The following ANKRD45 variants were observed in gnomAD, a reference collection of about 807,000 sequenced individuals.
The protein encoded by ANKRD45 is ankyrin repeat domain 45.
A neutral mutation model predicts 28.1 loss-of-function variants in ANKRD45; 21 were observed. That is an observed-to-expected ratio of 0.75 (90% CI 0.53 to 1.08). ANKRD45 has a LOEUF of 1.08. Among genes scored for constraint, ANKRD45 ranks in the 50% least tolerant of loss-of-function variants. The pLI, the probability that ANKRD45 is intolerant of heterozygous loss-of-function variation, is 0.00. For synonymous variants in ANKRD45, 86 were observed against 103.9 expected, an observed-to-expected ratio of 0.83 and a Z score of 1.05; for missense variants, 261 against 308.7, an observed-to-expected ratio of 0.85 and a Z score of 1.16.
At chr1:173,648,887 A>G (rs1669052661) in intron 2 of ANKRD45, among the ~76,000 whole-genome samples, 1 of 152,200 alleles carries the variant, frequency 6.6e-6, no homozygotes, top group Admixed American at 6.5e-5. Context: ...AAGAAACCAT[A>G]GCACAGAAAG....
chr1:173,684,691 G>A, the ANKRD45 span, among the ~76,000 whole-genome samples: 1 of 152,198 alleles, frequency 6.6e-6, no homozygotes, highest in Admixed American at 6.5e-5. Flanking sequence ...TAAGGGTGAT[G>A]TTGTTTGGGA....
At position 173,609,943 on chromosome 1, in the gene ANKRD45, C is replaced by T. The variant is rs1185536989; in HGVS notation, c.*202G>A. ...TTCCTGAAGGAGCACGTGAAACTCA[C>T]ATGGGGCTGTGCTTGGAGGAGCAGA... On this transcript the variant is annotated 3_prime_UTR_variant, in exon 6 of 6. Coordinates refer to ENST00000333279, the MANE Select transcript of ANKRD45 (RefSeq NM_198493.3). The T allele has an allele frequency of 8.7e-6, 5 of 571,452 alleles. No homozygotes were observed. Among genetic ancestry groups the T allele is most frequent in the Non-Finnish European group, 1.5e-5 (5 of 323,240 alleles). 35.4% of individuals were successfully genotyped at this position (571,452 alleles called of 1,614,324 possible). A position where few individuals can be genotyped will look rare whatever the true frequency, so the allele number is the denominator to read the frequency against.
intron 3 of ANKRD45, chr1:173,637,142 C>T: frequency 8.1e-6 from 7 of 865,372 alleles, no homozygotes; most frequent in Non-Finnish European, 8.5e-6. Context: ...AAACTTTTTG[C>T]CACAATCTTT....
chr1:173,712,640 C>T, the ANKRD45 span, among the ~76,000 whole-genome samples: 1 of 152,146 alleles, frequency 6.6e-6, no homozygotes, highest in South Asian at 2.1e-4. Flanking sequence ...CAAAGAAACA[C>T]CTACAGGTGT....
chr1:173,704,630 A>G, the ANKRD45 span, among the ~76,000 whole-genome samples: 9 of 152,120 alleles, frequency 5.9e-5, no homozygotes, highest in Admixed American at 5.9e-4. Flanking sequence ...GAACAATTGC[A>G]CTTCAGTTGT....
chr1:173,690,449 G>T, the ANKRD45 span, among the ~76,000 whole-genome samples: 2 of 152,046 alleles, frequency 1.3e-5, no homozygotes, highest in Admixed American at 6.6e-5. Flanking sequence ...TGCCAGATTT[G>T]GTTCTTCCCT....
At chr1:173,676,232 T>C in the ANKRD45 span, among the ~76,000 whole-genome samples, 3 of 152,234 alleles carry the variant, frequency 2.0e-5, no homozygotes, top group Non-Finnish European at 4.4e-5. Flanking sequence ...AAGATTCTTA[T>C]TGCACTTATG....
intron 1 of ANKRD45, among the ~76,000 whole-genome samples, chr1:173,669,123 A>G (rs1046672475): frequency 2.6e-5 from 4 of 152,246 alleles, no homozygotes; most frequent in African/African-American, 7.2e-5. Context: ...CAGCAATGAC[A>G]GAGTGAGATC....
At chr1:173,621,483 G>A (rs1413020481) in intron 5 of ANKRD45, among the ~76,000 whole-genome samples, 1 of 152,118 alleles carries the variant, frequency 6.6e-6, no homozygotes, top group Non-Finnish European at 1.5e-5. Flanking sequence ...TCATCTCCAG[G>A]ATGCAAGGTT....
the ANKRD45 span, among the ~76,000 whole-genome samples, chr1:173,693,694 A>G: frequency 6.6e-6 from 1 of 152,366 alleles, no homozygotes; most frequent in South Asian, 2.1e-4. Context: ...GTGAAGTAGG[A>G]CCAATTATAT....
the ANKRD45 span, among the ~76,000 whole-genome samples, chr1:173,711,682 C>T: frequency 6.6e-6 from 1 of 152,140 alleles, no homozygotes; most frequent in African/African-American, 2.4e-5. Context: ...TGTGTATTTT[C>T]CACTAGAAAT....
chr1:173,627,187 T>A, intron 3 of ANKRD45, 28 bp from the exon 4 acceptor site: 2 of 1,471,162 alleles, frequency 1.4e-6, no homozygotes, highest in South Asian at 1.1e-5. Context: ...AACACACACA[T>A]GACAAGACAA....
chr1:173,679,366 A>C, the ANKRD45 span, among the ~76,000 whole-genome samples: 1 of 152,240 alleles, frequency 6.6e-6, no homozygotes, highest in Non-Finnish European at 1.5e-5. Flanking sequence ...CCAATGGAAC[A>C]GAACAGAGGC....
chr1:173,623,211 G>A (rs897871901), intron 5 of ANKRD45, among the ~76,000 whole-genome samples: 4 of 151,830 alleles, frequency 2.6e-5, no homozygotes, highest in African/African-American at 9.7e-5. Context: ...TACTCAGGAG[G>A]CTGAGGCAAG....
intron 5 of ANKRD45, among the ~76,000 whole-genome samples, chr1:173,614,284 A>T (rs1386910808): frequency 1.3e-5 from 2 of 151,534 alleles, no homozygotes; most frequent in Admixed American, 1.3e-4. Context: ...AAAAATAAAT[A>T]AAATAAAATA....
intron 3 of ANKRD45, among the ~76,000 whole-genome samples, chr1:173,630,681 G>A (rs1030821406): frequency 5.5e-5 from 8 of 146,780 alleles, no homozygotes; most frequent in Middle Eastern, 3.8e-3. Flanking sequence ...ATTAGCTGGC[G>A]TCGTGGTGCA....
At chr1:173,633,932 A>C (rs1668301934) in intron 3 of ANKRD45, among the ~76,000 whole-genome samples, 1 of 152,068 alleles carries the variant, frequency 6.6e-6, no homozygotes, top group Admixed American at 6.6e-5. Context: ...GTCTGGGCAA[A>C]GATTTTTTCA....
At chr1:173,713,206 A>T in the ANKRD45 span, among the ~76,000 whole-genome samples, 1 of 152,206 alleles carries the variant, frequency 6.6e-6, no homozygotes, top group African/African-American at 2.4e-5. Flanking sequence ...CAGGTCTAGG[A>T]TTTGTACCTA....
chr1:173,624,805 T>C lies in ANKRD45; in HGVS notation c.712A>G (p.Thr238Ala). The change falls in exon 5 of 6, where the codon ACA becomes GCA. Residue 238 changes from threonine (T) to alanine (A), a missense_variant. Transcript: ENST00000333279. ...AACTTACATGGTGTAGTCATTTTTG[T>C]GAAGATAGGAGTCACAATATCTTCC... ...QLEDIVTPIF[T>A]KMTTPCQVKS... 6.2e-7 allele frequency: 1 copy of C among 1,613,558 alleles called. No homozygotes were observed. Among genetic ancestry groups the C allele is most frequent in the Non-Finnish European group, 8.5e-7 (1 of 1,179,750 alleles).
Sources: gnomAD v4.1 joint callset for allele counts (sites outside exome capture counted in the v4.1 genomes callset) on GRCh38, gnomAD v4.1.1 for gene constraint, MANE v1.5 for transcripts, NCBI Gene and HGNC (gene_info 2026-07-23, HGNC 2026-07-21) for gene names.